SUSD1: variants seen among roughly 807,000 people sequenced by gnomAD.
SUSD1 encodes the protein sushi domain containing 1.
Under a neutral mutation model 86.9 loss-of-function variants are expected in SUSD1, and 65 were observed. That is an observed-to-expected ratio of 0.75 (90% CI 0.61 to 0.92). The LOEUF (loss-of-function observed/expected upper bound fraction) is 0.92, where lower values mean the gene tolerates loss of function less well. SUSD1 is among the 40% of genes least tolerant of loss of function. SUSD1 has a pLI of 0.00. For missense variants in SUSD1, 850 were observed against 929.7 expected (o/e 0.91, Z 1.11); for synonymous variants, 346 against 350.0 (o/e 0.99, Z 0.13).
chr9:112,072,341 G>A (rs1829321308), intron 12 of SUSD1, among the ~76,000 whole-genome samples: 1 of 151,644 alleles, frequency 6.6e-6, no homozygotes, highest in African/African-American at 2.4e-5. Flanking sequence ...TAGAGACTGG[G>A]TTTCACCATG....
chr9:112,149,509 A>T, intron 2 of SUSD1, 110 bp from the exon 3 acceptor site: 1 of 1,208,202 alleles, frequency 8.3e-7, no homozygotes, highest in South Asian at 1.4e-5. Flanking sequence ...CTGTGACCAC[A>T]CCTTAGTGAT....
At chr9:112,055,729 G>A (rs186509438) in intron 14 of SUSD1, among the ~76,000 whole-genome samples, 8 of 152,254 alleles carry the variant, frequency 5.3e-5, no homozygotes, top group Admixed American at 3.3e-4. Flanking sequence ...AGCATTATTC[G>A]TAATAGCCAA....
chr9:112,152,345 G>C (rs778182625), intron 2 of SUSD1, among the ~76,000 whole-genome samples: 7 of 151,686 alleles, frequency 4.6e-5, no homozygotes, highest in Non-Finnish European at 8.8e-5. Context: ...ACATTCTACA[G>C]CTGTACGAAG....
At chr9:112,058,215 G>A (rs181135642) in intron 14 of SUSD1, among the ~76,000 whole-genome samples, 1 of 152,322 alleles carries the variant, frequency 6.6e-6, no homozygotes, top group Admixed American at 6.5e-5. Flanking sequence ...CAGTCCAAAT[G>A]TTGATTCAGC....
intron 5 of SUSD1, among the ~76,000 whole-genome samples, chr9:112,140,369 CAAA>C (rs765354321): frequency 7.8e-6 from 1 of 128,450 alleles, no homozygotes; most frequent in Admixed American, 8.0e-5. Flanking sequence ...ACTCCGTCTC[CAAA>C]AAAAAAAAAA....
At chr9:112,166,176 A>G (rs1043992480) in intron 1 of SUSD1, among the ~76,000 whole-genome samples, 4 of 152,182 alleles carry the variant, frequency 2.6e-5, no homozygotes, top group African/African-American at 9.7e-5. Context: ...AGGGGTGCTT[A>G]TTATTCAGCC....
intron 4 of SUSD1, 26 bp downstream of exon 4, chr9:112,143,445 T>C (rs756877430): frequency 3.1e-6 from 5 of 1,609,090 alleles, no homozygotes; most frequent in Non-Finnish European, 4.2e-6. Flanking sequence ...CACGTTGAGA[T>C]GCCGCAATTT....
At chr9:112,110,518 C>T (rs564039410) in intron 8 of SUSD1, among the ~76,000 whole-genome samples, 92 of 151,850 alleles carry the variant, frequency 6.1e-4, no homozygotes, top group African/African-American at 2.1e-3. Context: ...ACCCGAGTAA[C>T]TGGGACTATA....
At chr9:112,138,088 G>A (rs972033651) in intron 5 of SUSD1, among the ~76,000 whole-genome samples, 1 of 149,580 alleles carries the variant, frequency 6.7e-6, no homozygotes, top group South Asian at 2.1e-4. Context: ...GCTGGGCATG[G>A]TGGCAGACAC....
chr9:112,077,424 A>G (rs1207402782), intron 12 of SUSD1, among the ~76,000 whole-genome samples: 1 of 151,700 alleles, frequency 6.6e-6, no homozygotes, highest in Non-Finnish European at 1.5e-5. Context: ...GAGGGAGGAG[A>G]AAATGAGTGG....
chr9:112,102,781 A>G (rs1015231858), intron 8 of SUSD1, among the ~76,000 whole-genome samples: 8 of 152,220 alleles, frequency 5.3e-5, no homozygotes, highest in African/African-American at 1.9e-4. Context: ...CAGAAAGTAG[A>G]TGACCAAGCA....
At chr9:112,126,319 C>G (rs936296370) in intron 5 of SUSD1, among the ~76,000 whole-genome samples, 2 of 152,108 alleles carry the variant, frequency 1.3e-5, no homozygotes, top group Admixed American at 1.3e-4. Flanking sequence ...AGTGACAAGT[C>G]ATTGGATTAG....
chr9:112,099,374 T>G (rs1214434950), intron 9 of SUSD1, among the ~76,000 whole-genome samples: 1 of 151,996 alleles, frequency 6.6e-6, no homozygotes, highest in African/African-American at 2.4e-5. Flanking sequence ...TTGTAAGAAA[T>G]CCATGGACAA....
At chr9:112,144,925 T>C (rs1251394607) in intron 3 of SUSD1, among the ~76,000 whole-genome samples, 1 of 152,128 alleles carries the variant, frequency 6.6e-6, no homozygotes, top group Non-Finnish European at 1.5e-5. Context: ...GTTTTTTCCC[T>C]CAGAACTGAC....
At chr9:112,100,958 C>T (rs1830609636) in intron 9 of SUSD1, among the ~76,000 whole-genome samples, 1 of 151,696 alleles carries the variant, frequency 6.6e-6, no homozygotes, top group African/African-American at 2.4e-5. Context: ...TTTGTCAAAG[C>T]ACTCATTATA....
chr9:112,042,109 C>T (rs1827767215), intron 15 of SUSD1, 149 bp from the exon 16 acceptor site: 5 of 1,542,296 alleles, frequency 3.2e-6, no homozygotes, highest in Non-Finnish European at 4.4e-6. Context: ...GCCTGTGTGT[C>T]CCCTGAGTTG....
chr9:112,165,950 A>AAAGAAAGGAAGAAAGAAAGAAAGG (rs1180080994), intron 1 of SUSD1, among the ~76,000 whole-genome samples: 4 of 144,734 alleles, frequency 2.8e-5, no homozygotes, highest in Admixed American at 6.8e-5. Flanking sequence ...AAGAAGAAAG[A>AAAGAAAGGAAGAAAGAAAGAAAGG]AAGAAAGAAA....
At chr9:112,090,056 G>GA (rs1322915982) in intron 10 of SUSD1, among the ~76,000 whole-genome samples, 7 of 150,930 alleles carry the variant, frequency 4.6e-5, no homozygotes, top group African/African-American at 9.7e-5. Context: ...TTGTGAGACA[G>GA]AAAAAAAATA....
intron 10 of SUSD1, among the ~76,000 whole-genome samples, chr9:112,080,589 G>A (rs139393858): frequency 0.024 from 3,608 of 151,574 alleles, 150 homozygotes; most frequent in African/African-American, 0.083. Flanking sequence ...TTGGGAGGCT[G>A]AAGCAGGAGA....
Sources: gnomAD v4.1 joint callset for allele counts (sites outside exome capture counted in the v4.1 genomes callset) on GRCh38, gnomAD v4.1.1 for gene constraint, MANE v1.5 for transcripts, NCBI Gene and HGNC (gene_info 2026-07-23, HGNC 2026-07-21) for gene names.